Variants in HTR4 observed in about 807,000 individuals in gnomAD.
The protein encoded by HTR4 is 5-hydroxytryptamine receptor 4.
In HTR4, 16 loss-of-function variants were observed where a neutral mutation model predicts 36.8. The ratio of observed to expected loss-of-function variants is 0.43; its 90% CI spans 0.29 to 0.66. The LOEUF (loss-of-function observed/expected upper bound fraction) is 0.66. Among genes scored for constraint, HTR4 ranks in the 30% least tolerant of loss-of-function variants. The pLI, the probability that HTR4 is intolerant of heterozygous loss-of-function variation, is 0.13. For synonymous variants in HTR4, 189 were observed against 185.1 expected (o/e 1.02, Z -0.17); for missense variants, 438 against 490.9 (o/e 0.89, Z 1.02).
At chr5:148,571,986 G>A (rs1413269324) in intron 2 of HTR4, among the ~76,000 whole-genome samples, 1 of 152,022 alleles carries the variant, frequency 6.6e-6, no homozygotes, top group African/African-American at 2.4e-5. Context: ...TGTGTGTTTT[G>A]TTCTTTCTCA....
intron 2 of HTR4, among the ~76,000 whole-genome samples, chr5:148,625,878 T>C (rs1435014770): frequency 6.6e-6 from 1 of 151,586 alleles, no homozygotes; most frequent in Admixed American, 6.6e-5. Context: ...CGCGCCTGGC[T>C]GCAAAGCCTT....
chr5:148,588,137 C>A (rs189082466), intron 2 of HTR4, among the ~76,000 whole-genome samples: 1 of 152,284 alleles, frequency 6.6e-6, no homozygotes, highest in Non-Finnish European at 1.5e-5. Context: ...TGCCACCAAC[C>A]AGCTGAGTCT....
In HTR4 at chr5:148,524,117, G is replaced by A. The variant is rs191368460; in HGVS notation, c.354-771C>T. ...GATCCCAAGGATCTCCTGAATCAGA[G>A]CCTGTTGGTGAACAACCTGGAGCTT... is the stretch of plus-strand genomic sequence containing the variant. On this transcript the variant is annotated intron_variant, in intron 4 of 6. Coordinates refer to ENST00000377888, the MANE Select transcript of HTR4 (RefSeq NM_000870.7). Among the ~76,000 whole-genome samples the A allele has an allele frequency of 7.2e-5, 11 of 152,190 alleles. No individual in the cohort carries two copies. The East Asian group carries it at 2.1e-3, about 29-fold the overall frequency.
chr5:148,477,583 C>T (rs936345119), downstream of HTR4, among the ~76,000 whole-genome samples: 15 of 152,154 alleles, frequency 9.9e-5, no homozygotes, highest in South Asian at 2.1e-4. Flanking sequence ...ACTTCTCTGA[C>T]GTACAGCCTG....
chr5:148,479,095 C>T (rs1038653197), downstream of HTR4, among the ~76,000 whole-genome samples: 1 of 152,226 alleles, frequency 6.6e-6, no homozygotes, highest in Admixed American at 6.5e-5. Context: ...GCCTTAAATG[C>T]CTCCTCGTGG....
At chr5:148,568,345 A>G (rs1330305612) in intron 2 of HTR4, among the ~76,000 whole-genome samples, 1 of 152,094 alleles carries the variant, frequency 6.6e-6, no homozygotes, top group Non-Finnish European at 1.5e-5. Context: ...TTATCCCTTT[A>G]GAGAATTTTT....
intron 4 of HTR4, among the ~76,000 whole-genome samples, chr5:148,531,793 T>C (rs143288393): frequency 6.6e-6 from 1 of 152,172 alleles, no homozygotes; most frequent in Non-Finnish European, 1.5e-5. Flanking sequence ...TCTAGTGATA[T>C]CTGAAGAGAG....
intron 2 of HTR4, among the ~76,000 whole-genome samples, chr5:148,619,456 T>G (rs940768806): frequency 3.6e-5 from 5 of 137,210 alleles, no homozygotes; most frequent in African/African-American, 1.3e-4. Context: ...ATCATTTAAG[T>G]TAATTATGGA....
At chr5:148,533,151 G>A (rs796775315) in intron 4 of HTR4, among the ~76,000 whole-genome samples, 11 of 152,288 alleles carry the variant, frequency 7.2e-5, no homozygotes, top group African/African-American at 2.6e-4. Flanking sequence ...TCTCATCTCA[G>A]GAATACATGA....
intron 5 of HTR4, among the ~76,000 whole-genome samples, chr5:148,462,845 C>A (rs1755313573): frequency 6.6e-6 from 1 of 152,026 alleles, no homozygotes; most frequent in South Asian, 2.1e-4. Context: ...GTATGTAGGG[C>A]AAATACAACT....
At chr5:148,456,359 G>C (rs1199443044) in intron 5 of HTR4, among the ~76,000 whole-genome samples, 1 of 152,192 alleles carries the variant, frequency 6.6e-6, no homozygotes, top group Non-Finnish European at 1.5e-5. Context: ...ACACACCGCT[G>C]TTGCTGGCTA....
chr5:148,580,601 A>G (rs1255376112), intron 2 of HTR4, among the ~76,000 whole-genome samples: 1 of 152,094 alleles, frequency 6.6e-6, no homozygotes, highest in Admixed American at 6.6e-5. Context: ...TAGATGCCTC[A>G]TTTAAAACGA....
At chr5:148,617,296 C>A (rs995251281) in intron 2 of HTR4, among the ~76,000 whole-genome samples, 2 of 152,284 alleles carry the variant, frequency 1.3e-5, no homozygotes, top group Middle Eastern at 6.8e-3. Context: ...TGAGTAAAGG[C>A]ACCCTGGGGT....
chr5:148,600,570 T>C (rs1761954215), intron 2 of HTR4, among the ~76,000 whole-genome samples: 2 of 151,786 alleles, frequency 1.3e-5, no homozygotes, highest in East Asian at 1.9e-4. Context: ...TGCAGTTTTA[T>C]ACACTAGTAA....
intron 2 of HTR4, among the ~76,000 whole-genome samples, chr5:148,565,753 CA>C (rs1439321408): frequency 7.9e-5 from 12 of 152,150 alleles, no homozygotes; most frequent in Admixed American, 3.9e-4. Flanking sequence ...TGGGGTTGCC[CA>C]AAGATAGACA....
intron 6 of HTR4, among the ~76,000 whole-genome samples, chr5:148,495,765 A>T (rs1056960397): frequency 1.3e-5 from 2 of 152,162 alleles, no homozygotes; most frequent in Non-Finnish European, 2.9e-5. Flanking sequence ...GAATTTTCTG[A>T]TAATTATATT....
intron 2 of HTR4, among the ~76,000 whole-genome samples, chr5:148,578,466 C>T (rs372461855): frequency 6.6e-6 from 1 of 152,024 alleles, no homozygotes; most frequent in Non-Finnish European, 1.5e-5. Flanking sequence ...TATCTCTTTC[C>T]TTTTTATATA....
rs1251425736 is a variant in HTR4, at chr5:148,482,812, C to G, written c.*391G>C. ...TATTTTGTTGATATCTGGAAGCCCA[C>G]ACAGCAAAGAAGGCGTATTTGGAGA... On this transcript the variant is annotated 3_prime_UTR_variant, in exon 7 of 7. Coordinates refer to ENST00000377888, the MANE Select transcript of HTR4 (RefSeq NM_000870.7). 1 of 1,056,156 alleles carries G rather than the reference C, an allele frequency of 9.5e-7. No individual in the cohort carries two copies. Among genetic ancestry groups the G allele is most frequent in the African/African-American group, 1.6e-5 (1 of 60,806 alleles). 65.4% of individuals were successfully genotyped at this position (1,056,156 alleles called of 1,614,324 possible). A position where few individuals can be genotyped will look rare whatever the true frequency, so the allele number is the denominator to read the frequency against.
intron 2 of HTR4, among the ~76,000 whole-genome samples, chr5:148,601,014 A>C (rs1358112739): frequency 7.0e-6 from 1 of 142,974 alleles, no homozygotes; most frequent in Non-Finnish European, 1.5e-5. Context: ...CAAATAATGC[A>C]ATTAAACATT....
Sources: gnomAD v4.1 joint callset for allele counts (sites outside exome capture counted in the v4.1 genomes callset) on GRCh38, gnomAD v4.1.1 for gene constraint, MANE v1.5 for transcripts, NCBI Gene and HGNC (gene_info 2026-07-23, HGNC 2026-07-21) for gene names.